The following CDC42EP4 variants were observed in gnomAD, a reference collection of about 807,000 sequenced individuals.
The protein encoded by CDC42EP4 is CDC42 effector protein 4.
In CDC42EP4, 6 loss-of-function variants were observed where a neutral mutation model predicts 5.6. The observed-to-expected ratio is 1.07, with a 90% CI of 0.59 to 2.12. The LOEUF is 2.12. Among genes scored for constraint, CDC42EP4 ranks in the 30% most tolerant of loss-of-function variants. The pLI is 0.00. For missense variants in CDC42EP4, 490 were observed against 508.6 expected, an observed-to-expected ratio of 0.96 and a Z score of 0.35; for synonymous variants, 230 against 224.2, an observed-to-expected ratio of 1.03 and a Z score of -0.23.
At chr17:73,299,286 C>T (rs1425531686) in intron 1 of CDC42EP4, among the ~76,000 whole-genome samples, 2 of 151,744 alleles carry the variant, frequency 1.3e-5, no homozygotes, top group Middle Eastern at 3.4e-3. Context: ...AAAAATTAGC[C>T]AGGCGTGGTG....
At chr17:73,301,043 G>A (rs983004827) in intron 1 of CDC42EP4, among the ~76,000 whole-genome samples, 27 of 145,728 alleles carry the variant, frequency 1.9e-4, no homozygotes, top group Admixed American at 4.1e-4. Flanking sequence ...GTGAAACTCC[G>A]TCTCAAAAAA....
At position 73,297,001 on chromosome 17, in the gene CDC42EP4, A is replaced by AAAAAAAAAAAAAAAAAAAACAC. The variant is rs547362762; in HGVS notation, c.-112-10390_-112-10389insGTGTTTTTTTTTTTTTTTTTTT. Among the ~76,000 whole-genome samples, 34 of 61,726 alleles carry AAAAAAAAAAAAAAAAAAAACAC rather than the reference A, an allele frequency of 5.5e-4. 7 individuals carry two copies. The highest frequency in any genetic ancestry group is 8.7e-4 in the Non-Finnish European group (26 of 30,032). 40.5% of individuals were successfully genotyped at this position (61,726 alleles called of 152,430 possible). ...GTCTCAAAAAAAAAAAAAAAAAAAA[A>AAAAAAAAAAAAAAAAAAAACAC]AAATACACAAGGCCAAGCGCCGTGG... On this transcript the variant is annotated intron_variant, in intron 1 of 1. Transcript: ENST00000335793.
At chr17:73,292,163 T>C (rs1328315342) in intron 1 of CDC42EP4, among the ~76,000 whole-genome samples, 1 of 152,246 alleles carries the variant, frequency 6.6e-6, no homozygotes, top group African/African-American at 2.4e-5. Flanking sequence ...CACCCCGGTA[T>C]ACAGGGTACA....
chr17:73,292,778 A>G (rs976137112), intron 1 of CDC42EP4, among the ~76,000 whole-genome samples: 1 of 152,202 alleles, frequency 6.6e-6, no homozygotes, highest in East Asian at 1.9e-4. Flanking sequence ...ATAAAAATCC[A>G]TGCAGCCAGG....
chr17:73,287,063 A>C (rs552262926), intron 1 of CDC42EP4, among the ~76,000 whole-genome samples: 78 of 152,292 alleles, frequency 5.1e-4, no homozygotes, highest in African/African-American at 1.9e-3. Flanking sequence ...CCTGCTGTCT[A>C]ACCTCGATCC....
chr17:73,289,137 G>C (rs935954428), intron 1 of CDC42EP4, among the ~76,000 whole-genome samples: 1 of 152,208 alleles, frequency 6.6e-6, no homozygotes, highest in African/African-American at 2.4e-5. Context: ...GGGCCAGAGA[G>C]TAAATATTCT....
At chr17:73,291,723 C>A (rs2062162242) in intron 1 of CDC42EP4, among the ~76,000 whole-genome samples, 1 of 152,164 alleles carries the variant, frequency 6.6e-6, no homozygotes, top group South Asian at 2.1e-4. Flanking sequence ...CCACATCCCA[C>A]TTTCTTGGCA....
At chr17:73,300,774 C>T (rs1299987012) in intron 1 of CDC42EP4, among the ~76,000 whole-genome samples, 12 of 152,236 alleles carry the variant, frequency 7.9e-5, no homozygotes, top group South Asian at 2.1e-4. Context: ...AGGCAGGGCG[C>T]GGTGGCTCAC....
rs2062116596 is a variant in CDC42EP4 at position 73,284,097 on chromosome 17, T to G, written c.*1333A>C. The G allele has an allele frequency of 6.6e-6, 1 of 152,240 alleles. No individual in the cohort carries two copies. The highest frequency in any genetic ancestry group is 1.5e-5 in the Non-Finnish European group (1 of 68,052). 9.4% of individuals were successfully genotyped at this position (152,240 alleles called of 1,614,324 possible). A position where few individuals can be genotyped will look rare whatever the true frequency, so the allele number is the denominator to read the frequency against. On this transcript the variant is annotated 3_prime_UTR_variant, in exon 2 of 2. Coordinates refer to ENST00000335793, the MANE Select transcript of CDC42EP4 (RefSeq NM_012121.5). Reference sequence around the variant, plus strand: ...GTGAATTTCAGAAAAACAAATCATTTTTCACATAAGTGTTCCAAATATTGC... The same window carrying G: ...GTGAATTTCAGAAAAACAAATCATTGTTCACATAAGTGTTCCAAATATTGC...
In CDC42EP4 at chr17:73,285,931, C is replaced by G. The variant is rs1420415720; in HGVS notation, c.570G>C (p.Leu190=). 8 of 1,613,892 alleles carry G rather than the reference C, an allele frequency of 5.0e-6. No homozygotes were observed. Among genetic ancestry groups the G allele is most frequent in the Non-Finnish European group, 6.8e-6 (8 of 1,180,034 alleles). Residue 190 remains leucine, a synonymous_variant, in exon 2 of 2, where the codon CTG becomes CTC. Coordinates refer to ENST00000335793, the MANE Select transcript of CDC42EP4 (RefSeq NM_012121.5). This position sits in a 1 kb window ranked among gnomAD's most constrained non-coding sequence, Gnocchi z 6.8. Reference sequence around the variant, plus strand: ...CGTACGTGGCCTTGGGCACGACAGGCAGATCTGTCAGATCCCCAAAGGCCT... The same window carrying G: ...CGTACGTGGCCTTGGGCACGACAGGGAGATCTGTCAGATCCCCAAAGGCCT... The part of the protein sequence containing the change: ...DEQAFGDLTD[L]PVVPKATYGL...
intron 1 of CDC42EP4, among the ~76,000 whole-genome samples, chr17:73,300,324 C>T (rs79724895): frequency 2.0e-5 from 3 of 152,270 alleles, no homozygotes; most frequent in African/African-American, 7.2e-5. Flanking sequence ...AAGACAGTGC[C>T]CATTCCCCAG....
rs536479737 is a variant in CDC42EP4, at chr17:73,293,301, T to C, written c.-112-6689A>G. ...GAGCTGGAATTCAGTCAGGAGGCTGTTGCAGAAATGCAGGTCAAAGAGGAT... is the reference window on the plus strand; with the variant it reads ...GAGCTGGAATTCAGTCAGGAGGCTGCTGCAGAAATGCAGGTCAAAGAGGAT... On this transcript the variant is annotated intron_variant, in intron 1 of 1. Transcript: ENST00000335793. Among the ~76,000 whole-genome samples the C allele has an allele frequency of 4.6e-5, 7 of 152,268 alleles. No individual in the cohort carries two copies. The South Asian group carries it at 1.5e-3, about 32-fold the overall frequency.
At chr17:73,301,827 G>A (rs1335681938) in intron 1 of CDC42EP4, among the ~76,000 whole-genome samples, 2 of 151,216 alleles carry the variant, frequency 1.3e-5, no homozygotes, top group African/African-American at 4.9e-5. Context: ...GTGGCTCAGC[G>A]TCCAGGCGTG....
chr17:73,304,265 TTTC>T (rs1182301441), intron 1 of CDC42EP4, among the ~76,000 whole-genome samples: 5 of 141,292 alleles, frequency 3.5e-5, no homozygotes, highest in Admixed American at 7.3e-5. Context: ...AACTGTCTCT[TTTC>T]TTCTTCTTCT....
In CDC42EP4 at chr17:73,284,051, T is replaced by A. The variant is rs529454026; in HGVS notation, c.*1379A>T. On this transcript the variant is annotated 3_prime_UTR_variant, in exon 2 of 2. Transcript: ENST00000335793. ...TTCTGCTCAATCCCCTCGGGGACAG[T>A]TACAGGACTCAGAGAGAAACGTGAA... 8 of 152,350 alleles carry A rather than the reference T, an allele frequency of 5.3e-5. No individual in the cohort carries two copies. Among genetic ancestry groups the A allele is most frequent in the Admixed American group, 4.6e-4 (7 of 15,304 alleles). 9.4% of individuals were successfully genotyped at this position (152,350 alleles called of 1,614,324 possible). A position where few individuals can be genotyped will look rare whatever the true frequency, so the allele number is the denominator to read the frequency against.
In CDC42EP4 at chr17:73,285,814, C is replaced by A; in HGVS notation, c.687G>T (p.Glu229Asp). ...CACCCTCCCCCTCCTCGGGGTCCCA[C>A]TCCTCCTTGTCCATGATGCTGAGGA... ...GDVLSIMDKE[E>D]WDPEEGEGGY... Residue 229 changes from glutamate to aspartate, a missense_variant, in exon 2 of 2, where the codon GAG (glutamate) becomes GAT (aspartate). Glu to Asp is a conservative substitution (Grantham distance 45). Coordinates refer to ENST00000335793, the MANE Select transcript of CDC42EP4 (RefSeq NM_012121.5). This position sits in a 1 kb window ranked among gnomAD's most constrained non-coding sequence, Gnocchi z 6.8. 8 of 1,609,012 alleles carry A rather than the reference C, an allele frequency of 5.0e-6. No homozygotes were observed. The highest frequency in any genetic ancestry group is 2.2e-5 in the East Asian group (1 of 44,670).
chr17:73,306,161 C>G (rs190102954), intron 1 of CDC42EP4, among the ~76,000 whole-genome samples: 5 of 152,102 alleles, frequency 3.3e-5, no homozygotes, highest in Admixed American at 6.6e-5. Flanking sequence ...AAAAGTAACT[C>G]AGGAATTTGC....
chr17:73,293,865 G>A (rs914326857), intron 1 of CDC42EP4, among the ~76,000 whole-genome samples: 10 of 152,182 alleles, frequency 6.6e-5, no homozygotes, highest in South Asian at 2.1e-4. Context: ...TTAGATACAC[G>A]TGGTTACATG....
At chr17:73,307,470 C>T (rs540085888) in intron 1 of CDC42EP4, among the ~76,000 whole-genome samples, 12 of 135,302 alleles carry the variant, frequency 8.9e-5, no homozygotes, top group East Asian at 4.3e-4. Flanking sequence ...TTTTTTTAGA[C>T]GGAGTCTCGC....
Sources: gnomAD v4.1 joint callset for allele counts (sites outside exome capture counted in the v4.1 genomes callset) on GRCh38, gnomAD v4.1.1 for gene constraint, Gnocchi (gnomAD v3.1) non-coding constraint, MANE v1.5 for transcripts, NCBI Gene and HGNC (gene_info 2026-07-23, HGNC 2026-07-21) for gene names.